Variants in KDM4C observed in about 807,000 individuals in gnomAD.
The protein encoded by KDM4C is lysine demethylase 4C, also known as lysine-specific demethylase 4C.
In KDM4C, 81 loss-of-function variants were observed where a neutral mutation model predicts 129.3. That is an observed-to-expected ratio of 0.63 (90% confidence interval 0.52 to 0.75). KDM4C has a LOEUF of 0.75. KDM4C is among the 30% of genes least tolerant of loss of function. The pLI is 0.00. For synonymous variants in KDM4C, 573 were observed against 456.1 expected, an observed-to-expected ratio of 1.26 and a Z score of -3.26; for missense variants, 1,457 against 1,304.0, an observed-to-expected ratio of 1.12 and a Z score of -1.81.
chr9:7,045,159 A>C (rs1042512813), intron 15 of KDM4C, among the ~76,000 whole-genome samples: 3 of 152,030 alleles, frequency 2.0e-5, no homozygotes, highest in African/African-American at 7.2e-5. Context: ...GTGCTCTAGA[A>C]CATGTGTACC....
At chr9:7,025,827 T>A (rs1166533496) in intron 15 of KDM4C, among the ~76,000 whole-genome samples, 1 of 152,216 alleles carries the variant, frequency 6.6e-6, no homozygotes, top group Non-Finnish European at 1.5e-5. Flanking sequence ...TATGCTGCAT[T>A]TTTTTGTGTA....
intron 1 of KDM4C, among the ~76,000 whole-genome samples, chr9:6,775,013 T>C (rs1712527458): frequency 6.6e-6 from 1 of 152,202 alleles, no homozygotes; most frequent in African/African-American, 2.4e-5. Context: ...TTCATCCATA[T>C]TTATTTTCTT....
intron 8 of KDM4C, among the ~76,000 whole-genome samples, chr9:6,945,423 A>G (rs7034789): frequency 6.6e-6 from 1 of 151,944 alleles, no homozygotes; most frequent in Non-Finnish European, 1.5e-5. Flanking sequence ...AGCATTTAGT[A>G]GTAGCATTGA....
intron 1 of KDM4C, among the ~76,000 whole-genome samples, chr9:6,780,126 C>T (rs941714319): frequency 2.0e-5 from 3 of 152,092 alleles, no homozygotes; most frequent in African/African-American, 4.8e-5. Context: ...TAGGCTATGC[C>T]TATTGTTAAT....
intron 5 of KDM4C, among the ~76,000 whole-genome samples, chr9:6,859,587 G>A (rs1840557371): frequency 6.7e-6 from 1 of 150,314 alleles, no homozygotes; most frequent in African/African-American, 2.4e-5. Context: ...GGACTGGCTG[G>A]GCGCGGTGGC....
intron 17 of KDM4C, 149 bp from the exon 18 acceptor site, chr9:7,103,536 A>G: frequency 1.6e-6 from 1 of 620,962 alleles, no homozygotes; most frequent in South Asian, 2.1e-5. Context: ...TGCTGTCACC[A>G]CTAGGGCCCC....
At chr9:6,866,412 G>A (rs4567098) in intron 5 of KDM4C, among the ~76,000 whole-genome samples, 31,788 of 152,064 alleles carry the variant, frequency 0.21, 4,154 homozygotes, top group Middle Eastern at 0.37. Context: ...TTTTCCAAAG[G>A]GTGTGAGAGG....
chr9:6,728,669 A>AC (rs1817223907), intron 1 of KDM4C, among the ~76,000 whole-genome samples: 1 of 151,594 alleles, frequency 6.6e-6, no homozygotes, highest in Non-Finnish European at 1.5e-5. Context: ...ACATGGGGAA[A>AC]CCCCATCTCT....
At chr9:6,756,578 G>A (rs1290591348), upstream of KDM4C, among the ~76,000 whole-genome samples, 1 of 152,210 alleles carries the variant, frequency 6.6e-6, no homozygotes, top group Admixed American at 6.5e-5. Flanking sequence ...TTAGCTGGGC[G>A]TGGTGGCGGG....
At chr9:6,988,301 T>G (rs1405557533) in intron 11 of KDM4C, among the ~76,000 whole-genome samples, 3 of 152,166 alleles carry the variant, frequency 2.0e-5, no homozygotes, top group Admixed American at 6.5e-5. Context: ...AGCGACCTTC[T>G]TTAAAGTAGA....
chr9:6,983,715 A>T (rs1376443296), intron 9 of KDM4C, among the ~76,000 whole-genome samples: 1 of 152,210 alleles, frequency 6.6e-6, no homozygotes, highest in African/African-American at 2.4e-5. Flanking sequence ...AACTCAATGA[A>T]AAGTAGTCAG....
At chr9:7,062,452 G>T (rs1428792174) in intron 17 of KDM4C, among the ~76,000 whole-genome samples, 2 of 152,054 alleles carry the variant, frequency 1.3e-5, no homozygotes, top group Non-Finnish European at 2.9e-5. Context: ...CAGTGGTGCA[G>T]TCATGGCTCA....
intron 5 of KDM4C, among the ~76,000 whole-genome samples, chr9:6,874,144 C>G (rs948738346): frequency 3.3e-5 from 5 of 152,136 alleles, no homozygotes; most frequent in Non-Finnish European, 7.4e-5. Context: ...TGAGAATTAC[C>G]AAAATGTGAC....
Position 7,165,225 on chromosome 9 carries a change from G to GT in KDM4C, c.2782-10dup, listed in dbSNP as rs1442096228. 1.2e-6 allele frequency: 2 copies of GT among 1,613,234 alleles called. No individual in the cohort carries two copies. The highest frequency in any genetic ancestry group is 3.3e-5 in the Admixed American group (2 of 59,794). ...CACTCCTTTTGAAAAGCCTGTCTCT[G>GT]TTTATTCTGCAGAGCCGAGACTGTC... On this transcript the variant is annotated splice_polypyrimidine_tract_variant and intron_variant, in intron 19 of 21. Coordinates refer to ENST00000381309, the MANE Select transcript of KDM4C (RefSeq NM_015061.6).
intron 5 of KDM4C, among the ~76,000 whole-genome samples, chr9:6,864,719 C>G (rs755034769): frequency 6.6e-5 from 10 of 151,456 alleles, no homozygotes; most frequent in African/African-American, 1.5e-4. Context: ...AGTAAGCTTT[C>G]TACTCCTTGC....
chr9:6,953,394 T>G (rs1366483788), intron 8 of KDM4C, among the ~76,000 whole-genome samples: 1 of 152,258 alleles, frequency 6.6e-6, no homozygotes, highest in African/African-American at 2.4e-5. Context: ...TGGTTTGAAT[T>G]AACTTGGCTG....
At chr9:7,012,052 GAC>G (rs1282111436) in intron 13 of KDM4C, among the ~76,000 whole-genome samples, 173 bp downstream of exon 13, 2 of 152,130 alleles carry the variant, frequency 1.3e-5, no homozygotes, top group African/African-American at 4.8e-5. Context: ...ATCCTTGAGA[GAC>G]ACTTTTCTGA....
At chr9:6,990,627 C>T in intron 12 of KDM4C, 103 bp downstream of exon 12, 1 of 687,434 alleles carries the variant, frequency 1.5e-6, no homozygotes, top group East Asian at 2.8e-5. Context: ...CAACAAGTAG[C>T]AAATACGTAC....
chr9:7,012,908 C>G (rs902468897), intron 13 of KDM4C, among the ~76,000 whole-genome samples: 1 of 152,078 alleles, frequency 6.6e-6, no homozygotes, highest in African/African-American at 2.4e-5. Context: ...CTGTTCTGTT[C>G]AGACATTTCA....
Sources: allele counts gnomAD v4.1 joint callset (sites outside exome capture counted in the v4.1 genomes callset), GRCh38; gene constraint gnomAD v4.1.1; transcripts MANE v1.5; gene names NCBI Gene and HGNC (gene_info 2026-07-23, HGNC 2026-07-21).